CSTF3: variants seen among roughly 807,000 people sequenced by gnomAD.
The protein encoded by CSTF3 is CF-1 77 kDa subunit.
In CSTF3, 29 loss-of-function variants were observed where a neutral mutation model predicts 105.8. The ratio of observed to expected loss-of-function variants is 0.27; its 90% CI spans 0.20 to 0.37. CSTF3 has a LOEUF of 0.37. Ranked by LOEUF, CSTF3 falls within the 10% of genes least tolerant of loss-of-function variation. The probability of loss-of-function intolerance (pLI) is 1.00; values close to 1 mark genes in which losing one functional copy is unlikely to be tolerated. For synonymous variants in CSTF3, 252 were observed against 281.9 expected, an observed-to-expected ratio of 0.89 and a Z score of 1.06; for missense variants, 357 against 879.3, an observed-to-expected ratio of 0.41 and a Z score of 7.51.
At chr11:33,085,343 G>T in intron 20 of CSTF3, 54 bp from the exon 21 acceptor site, 1 of 1,418,752 alleles carries the variant, frequency 7.0e-7, no homozygotes, top group Non-Finnish European at 9.4e-7. Context: ...GAAAGGGTAT[G>T]TATGTTCAAC....
intron 1 of CSTF3, among the ~76,000 whole-genome samples, chr11:33,143,614 G>A (rs1211646831): frequency 3.3e-5 from 5 of 152,140 alleles, no homozygotes; most frequent in Admixed American, 3.3e-4. Context: ...GCTGGGCGTG[G>A]TGGTGTGTGC....
At chr11:33,122,937 AAAG>A (rs1463221889) in intron 3 of CSTF3, among the ~76,000 whole-genome samples, 4 of 149,688 alleles carry the variant, frequency 2.7e-5, no homozygotes, top group African/African-American at 5.0e-5. Flanking sequence ...AAAAAAAAGA[AAAG>A]AAAAAAGAAA....
rs766492629 is a variant in CSTF3, at chr11:33,096,400, A to G, written c.1281T>C (p.Ser427=). The change falls in exon 15 of 21, where the codon TCT becomes TCC. Residue 427 remains serine (S), a synonymous_variant. Coordinates refer to ENST00000323959, the MANE Select transcript of CSTF3 (RefSeq NM_001326.3). The stretch of plus-strand genomic sequence containing the variant: ...CCAGCTCAAAAATCTTAAAGGCAAC[A>G]GATTTGTCCTACAAGTAAAGAAAGT... The part of the protein sequence containing the change: ...LMEYYCSKDK[S]VAFKIFELGL... 1.3e-6 allele frequency: 2 copies of G among 1,590,066 alleles called. No individual in the cohort carries two copies. Among genetic ancestry groups the G allele is most frequent in the Non-Finnish European group, 1.7e-6 (2 of 1,171,372 alleles).
intron 3 of CSTF3, among the ~76,000 whole-genome samples, chr11:33,116,472 A>G (rs1346778838): frequency 3.9e-5 from 6 of 152,220 alleles, no homozygotes; most frequent in Non-Finnish European, 7.3e-5. Context: ...TATCCAGGCC[A>G]TTAATGAAAA....
At chr11:33,094,139 G>A (rs1447602723) in intron 15 of CSTF3, among the ~76,000 whole-genome samples, 1 of 152,138 alleles carries the variant, frequency 6.6e-6, no homozygotes, top group African/African-American at 2.4e-5. Context: ...ATCTATTACA[G>A]TATTTAGCAC....
chr11:33,135,904 G>T (rs1416180437), intron 3 of CSTF3, among the ~76,000 whole-genome samples: 1 of 152,084 alleles, frequency 6.6e-6, no homozygotes, highest in Non-Finnish European at 1.5e-5. Flanking sequence ...CACATGAATA[G>T]AAGTATTTAG....
intron 3 of CSTF3, among the ~76,000 whole-genome samples, chr11:33,115,387 A>G (rs1204187926): frequency 6.6e-6 from 1 of 152,200 alleles, no homozygotes; most frequent in Non-Finnish European, 1.5e-5. Context: ...TACAGAATAC[A>G]AGTCGTTTTA....
At chr11:33,112,018 C>T (rs1485811270) in intron 3 of CSTF3, among the ~76,000 whole-genome samples, 2 of 152,166 alleles carry the variant, frequency 1.3e-5, no homozygotes, top group African/African-American at 4.8e-5. Context: ...CTTTGGGAGG[C>T]CAAGGCGGGC....
In CSTF3 at chr11:33,099,561, T is replaced by C. The variant is rs1344806718; in HGVS notation, c.936+47A>G. ...TATTTTTCAGTAAATAATTGCTATA[T>C]CAAAACCACAAAAATATCAAAGTGG... On this transcript the variant is annotated intron_variant, in intron 11 of 20. Coordinates refer to ENST00000323959, the MANE Select transcript of CSTF3 (RefSeq NM_001326.3). This position sits in a 1 kb window ranked among gnomAD's most constrained non-coding sequence, Gnocchi z 4.1. The C allele has an allele frequency of 1.5e-6, 2 of 1,296,070 alleles. No individual in the cohort carries two copies. Among genetic ancestry groups the C allele is most frequent in the Non-Finnish European group, 2.2e-6 (2 of 915,926 alleles). The allele number at this position is 1,296,070 out of a possible 1,614,324, so 80.3% of individuals were successfully genotyped here.
chr11:33,093,666 G>A (rs1171436279), intron 15 of CSTF3, among the ~76,000 whole-genome samples: 1 of 151,972 alleles, frequency 6.6e-6, no homozygotes, highest in Non-Finnish European at 1.5e-5. Flanking sequence ...AATCTGGTAT[G>A]TATTTACACA....
intron 1 of CSTF3, among the ~76,000 whole-genome samples, chr11:33,154,933 T>C (rs1849840701): frequency 6.6e-6 from 1 of 152,118 alleles, no homozygotes; most frequent in Non-Finnish European, 1.5e-5. Context: ...CCTTTACCAA[T>C]GCAACCAAAC....
intron 8 of CSTF3, among the ~76,000 whole-genome samples, chr11:33,105,058 C>T (rs914089653): frequency 3.9e-5 from 6 of 152,112 alleles, no homozygotes; most frequent in African/African-American, 1.4e-4. Context: ...CAAGGAACTT[C>T]CTTTTAATGC....
intron 1 of CSTF3, among the ~76,000 whole-genome samples, chr11:33,155,289 A>G (rs941398656): frequency 2.0e-5 from 3 of 151,858 alleles, no homozygotes; most frequent in Admixed American, 6.6e-5. Flanking sequence ...GCGTGAACCC[A>G]GGAAGCGGAG....
At chr11:33,124,063 C>A (rs1052387466) in intron 3 of CSTF3, among the ~76,000 whole-genome samples, 5 of 151,862 alleles carry the variant, frequency 3.3e-5, no homozygotes, top group Non-Finnish European at 7.4e-5. Context: ...AAAAAATGTA[C>A]AAATAAAACA....
intron 18 of CSTF3, among the ~76,000 whole-genome samples, chr11:33,086,290 A>C (rs1855104499): frequency 6.6e-6 from 1 of 152,222 alleles, no homozygotes; most frequent in African/African-American, 2.4e-5. Flanking sequence ...ATCCTGTTTC[A>C]AGTCAATTAT....
At chr11:33,108,889 C>T (rs1202231221) in intron 3 of CSTF3, among the ~76,000 whole-genome samples, 1 of 152,162 alleles carries the variant, frequency 6.6e-6, no homozygotes, top group African/African-American at 2.4e-5. Context: ...TGGGGGCTAC[C>T]ACTGTGACAA....
chr11:33,102,968 A>G (rs1315027795), intron 9 of CSTF3, 139 bp downstream of exon 9: 17 of 542,512 alleles, frequency 3.1e-5, no homozygotes, highest in African/African-American at 8.0e-5. Flanking sequence ...CAAATATGTC[A>G]TCTCCTCAGA....
intron 3 of CSTF3, among the ~76,000 whole-genome samples, chr11:33,127,620 G>A (rs1030049307): frequency 7.9e-5 from 12 of 152,056 alleles, no homozygotes; most frequent in South Asian, 2.1e-4. Context: ...ATCTGCCAAC[G>A]TTTTTGAGTT....
intron 3 of CSTF3, among the ~76,000 whole-genome samples, chr11:33,138,217 C>T (rs904481226): frequency 1.4e-4 from 21 of 151,724 alleles, no homozygotes; most frequent in African/African-American, 5.1e-4. Context: ...CTCCTTCAGC[C>T]ACCAATAAAA....
Sources: allele counts gnomAD v4.1 joint callset (sites outside exome capture counted in the v4.1 genomes callset), GRCh38; gene constraint gnomAD v4.1.1; non-coding constraint Gnocchi (gnomAD v3.1); transcripts MANE v1.5; gene names NCBI Gene and HGNC (gene_info 2026-07-23, HGNC 2026-07-21).